ITM2B: variants seen among roughly 807,000 people sequenced by gnomAD.
The protein encoded by ITM2B is ABri/ADan amyloid peptide.
In ITM2B, 11 loss-of-function variants were observed where a neutral mutation model predicts 27.8. The observed-to-expected ratio is 0.40, with a 90% CI of 0.25 to 0.66. The LOEUF (loss-of-function observed/expected upper bound fraction) is 0.66. Among genes scored for constraint, ITM2B ranks in the 30% least tolerant of loss-of-function variants. The pLI is 0.43. For synonymous variants in ITM2B, 114 were observed against 114.3 expected, an observed-to-expected ratio of 1.00 and a Z score of 0.02; for missense variants, 296 against 328.9, an observed-to-expected ratio of 0.90 and a Z score of 0.77.
At chr13:48,254,064 T>C (rs1951771692) in intron 2 of ITM2B, 128 bp downstream of exon 2, 2 of 863,154 alleles carry the variant, frequency 2.3e-6, no homozygotes, top group African/African-American at 1.7e-5. Context: ...GCCAGAGTGG[T>C]AGTTCTATTT....
intron 2 of ITM2B, among the ~76,000 whole-genome samples, chr13:48,255,252 T>C (rs1219515743): frequency 1.6e-4 from 21 of 132,280 alleles, no homozygotes; most frequent in South Asian, 4.8e-4. Flanking sequence ...TGTGTGTGTG[T>C]GTGCGCGCGC....
At chr13:48,235,213 T>G (rs1013670885) in intron 1 of ITM2B, among the ~76,000 whole-genome samples, 4 of 152,202 alleles carry the variant, frequency 2.6e-5, no homozygotes, top group Admixed American at 2.6e-4. Flanking sequence ...CTTCTGACAA[T>G]TTTTGTCATT....
intron 1 of ITM2B, among the ~76,000 whole-genome samples, chr13:48,244,717 T>C (rs1951715751): frequency 6.6e-6 from 1 of 152,216 alleles, no homozygotes; most frequent in Non-Finnish European, 1.5e-5. Context: ...ACAGGTTTGT[T>C]CTTTTTTTTC....
rs9332304 is a variant in ITM2B at position 48,261,367 on chromosome 13, A to T, written c.*143A>T. 14,721 of 642,716 alleles carry T rather than the reference A, an allele frequency of 0.023. 726 individuals carry two copies. The highest frequency in any genetic ancestry group is 0.12 in the African/African-American group (6,300 of 54,100). 39.8% of individuals were successfully genotyped at this position (642,716 alleles called of 1,614,324 possible). ...TACTATCTTTTCATCTCATTAATTCAATTAAAACCATTACCTTAAAATTTT... is the reference window on the plus strand; with the variant it reads ...TACTATCTTTTCATCTCATTAATTCTATTAAAACCATTACCTTAAAATTTT... On this transcript the variant is annotated 3_prime_UTR_variant, in exon 6 of 6. Transcript: ENST00000647800.
intron 1 of ITM2B, among the ~76,000 whole-genome samples, chr13:48,247,554 T>C (rs1012732936): frequency 1.3e-5 from 2 of 152,206 alleles, no homozygotes; most frequent in African/African-American, 2.4e-5. Context: ...AGTGATTTGT[T>C]AGTTTGAGAA....
At chr13:48,252,253 T>C (rs1013670438) in intron 1 of ITM2B, among the ~76,000 whole-genome samples, 2 of 152,218 alleles carry the variant, frequency 1.3e-5, no homozygotes, top group African/African-American at 4.8e-5. Context: ...AAACATATAA[T>C]CTTAGGTTTC....
At chr13:48,251,406 A>G (rs777613661) in intron 1 of ITM2B, among the ~76,000 whole-genome samples, 1 of 152,026 alleles carries the variant, frequency 6.6e-6, no homozygotes, top group African/African-American at 2.4e-5. Flanking sequence ...TTTGTATCAT[A>G]TTTATTTTCT....
chr13:48,258,896 CTG>C lies in ITM2B; in HGVS notation c.668_669del (p.Cys223SerfsTer2). The C allele has an allele frequency of 6.2e-7, 1 of 1,613,202 alleles. No homozygotes were observed. ...IDHLGFFIYR[L>X]CHDKETYKLQ... is the part of the protein sequence containing the mutation. ...TCACCTGGGTTTCTTTATTTATCGACTGTGTCATGACAAGGAAACTTACAAAC... is the reference window on the plus strand; with the variant it reads ...TCACCTGGGTTTCTTTATTTATCGACTGTCATGACAAGGAAACTTACAAAC... On this transcript the variant is annotated frameshift_variant, in exon 5 of 6. Coordinates refer to ENST00000647800, the MANE Select transcript of ITM2B (RefSeq NM_021999.5). LOFTEE classifies it high-confidence loss of function.
intron 1 of ITM2B, among the ~76,000 whole-genome samples, chr13:48,243,446 A>T (rs974788831): frequency 6.6e-6 from 1 of 152,218 alleles, no homozygotes; most frequent in Non-Finnish European, 1.5e-5. Flanking sequence ...ACAACATATT[A>T]AAAGTAATAT....
chr13:48,252,496 T>C (rs907773344), intron 1 of ITM2B, among the ~76,000 whole-genome samples: 12 of 152,100 alleles, frequency 7.9e-5, no homozygotes, highest in Non-Finnish European at 1.3e-4. Context: ...GCGCTCCTTA[T>C]GAGAATCTAA....
At chr13:48,255,784 A>G (rs1462173714) in intron 2 of ITM2B, among the ~76,000 whole-genome samples, 2 of 152,220 alleles carry the variant, frequency 1.3e-5, no homozygotes, top group African/African-American at 2.4e-5. Flanking sequence ...TTAGTAGACC[A>G]TATCAAAACT....
chr13:48,255,107 C>T (rs1951777836), intron 2 of ITM2B: 1 of 152,192 alleles, frequency 6.6e-6, no homozygotes, highest in Non-Finnish European at 1.5e-5. Context: ...AACTCCTGAC[C>T]TCAGGCGATC....
At position 48,269,816 on chromosome 13, in the gene ITM2B, TAAC is replaced by T. The variant is rs763943805; in HGVS notation, c.*8595_*8597del. 4 of 152,268 alleles carry T rather than the reference TAAC, an allele frequency of 2.6e-5. No individual in the cohort carries two copies. Among genetic ancestry groups the T allele is most frequent in the Non-Finnish European group, 2.9e-5 (2 of 68,084 alleles). 9.4% of individuals were successfully genotyped at this position (152,268 alleles called of 1,614,324 possible). ...GCAATGTCTGTCTGTAGTGTATTCT[TAAC>T]AATACAGATTAGCACAATGCAGGCC... On this transcript the variant is annotated 3_prime_UTR_variant, in exon 6 of 6. Transcript: ENST00000647800.
chr13:48,246,080 A>C (rs974104297), intron 1 of ITM2B, among the ~76,000 whole-genome samples: 1 of 152,146 alleles, frequency 6.6e-6, no homozygotes, highest in Non-Finnish European at 1.5e-5. Flanking sequence ...ACCCAGCCTA[A>C]GTTCTCCTTT....
At chr13:48,243,680 G>A (rs1436448303) in intron 1 of ITM2B, among the ~76,000 whole-genome samples, 2 of 151,988 alleles carry the variant, frequency 1.3e-5, no homozygotes. Flanking sequence ...AGCCATGTGT[G>A]GTGGTGCACA....
At chr13:48,248,735 G>A (rs1199182100) in intron 1 of ITM2B, among the ~76,000 whole-genome samples, 2 of 152,120 alleles carry the variant, frequency 1.3e-5, no homozygotes, top group African/African-American at 4.8e-5. Flanking sequence ...AAGTCATAAT[G>A]GTTTAAGAAA....
intron 1 of ITM2B, among the ~76,000 whole-genome samples, chr13:48,247,075 C>T (rs1000774390): frequency 1.3e-5 from 2 of 152,204 alleles, no homozygotes; most frequent in African/African-American, 4.8e-5. Context: ...ATCCACCTGC[C>T]TCAGTCTCCC....
intron 1 of ITM2B, among the ~76,000 whole-genome samples, chr13:48,250,675 A>T (rs1951750919): frequency 6.6e-6 from 1 of 152,182 alleles, no homozygotes; most frequent in Non-Finnish European, 1.5e-5. Flanking sequence ...GTGCCAGCTA[A>T]TGCCAAGCCT....
At chr13:48,255,259 G>GCA (rs1566162983) in intron 2 of ITM2B, among the ~76,000 whole-genome samples, 4 of 151,434 alleles carry the variant, frequency 2.6e-5, no homozygotes, top group East Asian at 1.9e-4. Flanking sequence ...GTGTGTGCGC[G>GCA]CGCGTGTGCG....
Sources: gnomAD v4.1 joint callset for allele counts (sites outside exome capture counted in the v4.1 genomes callset) on GRCh38, gnomAD v4.1.1 for gene constraint, MANE v1.5 for transcripts, NCBI Gene and HGNC (gene_info 2026-07-23, HGNC 2026-07-21) for gene names.